Variants in PACS1 observed in about 807,000 individuals in gnomAD.
PACS1 encodes the protein phosphofurin acidic cluster sorting protein 1.
Under a neutral mutation model 115.0 loss-of-function variants are expected in PACS1, and 24 were observed. The observed-to-expected ratio is 0.21, with a 90% CI of 0.15 to 0.29. The LOEUF is 0.29. PACS1 is among the 10% of genes least tolerant of loss of function. PACS1 has a pLI of 1.00. For synonymous variants in PACS1, 453 were observed against 504.5 expected, an observed-to-expected ratio of 0.90 and a Z score of 1.37; for missense variants, 838 against 1,251.2, an observed-to-expected ratio of 0.67 and a Z score of 4.98.
chr11:66,170,857 C>T (rs966929942), intron 1 of PACS1, among the ~76,000 whole-genome samples: 1 of 146,832 alleles, frequency 6.8e-6, no homozygotes, highest in Admixed American at 6.7e-5. Context: ...TTGCAGTGAG[C>T]CGAGATTGTG....
chr11:66,114,039 A>G (rs951754743), intron 1 of PACS1, among the ~76,000 whole-genome samples: 11 of 152,164 alleles, frequency 7.2e-5, no homozygotes, highest in Admixed American at 6.5e-5. Flanking sequence ...AAGCATTGAC[A>G]TAGGACATGT....
intron 1 of PACS1, among the ~76,000 whole-genome samples, chr11:66,106,156 G>A (rs543326246): frequency 2.6e-4 from 39 of 152,228 alleles, no homozygotes; most frequent in South Asian, 6.2e-4. Context: ...GAGGCCCACC[G>A]CTGTGGCTCA....
chr11:66,141,603 G>A (rs1333330202), intron 1 of PACS1, among the ~76,000 whole-genome samples: 2 of 146,976 alleles, frequency 1.4e-5, no homozygotes, highest in South Asian at 2.2e-4. Flanking sequence ...ACAGTGAGCC[G>A]AGATCACACC....
At chr11:66,179,506 A>G (rs1399717260) in intron 1 of PACS1, among the ~76,000 whole-genome samples, 1 of 152,160 alleles carries the variant, frequency 6.6e-6, no homozygotes, top group African/African-American at 2.4e-5. Flanking sequence ...TTTGGGAGCT[A>G]TTAACTGGCA....
At position 66,156,204 on chromosome 11, in the gene PACS1, TTATATA is replaced by T. The variant is rs61270162; in HGVS notation, c.357-37237_357-37232del. Among the ~76,000 whole-genome samples, 683 of 84,888 alleles carry T rather than the reference TTATATA, an allele frequency of 8.0e-3. 3 individuals are homozygous for T. The highest frequency in any genetic ancestry group is 0.017 in the South Asian group (28 of 1,674). The allele number at this position is 84,888 out of a possible 152,430, so 55.7% of individuals were successfully genotyped here. ...CCACAAAGTTGTTTCATTTTTTAAA[TTATATA>T]TATATATATATATATATATATATAT... On this transcript the variant is annotated intron_variant, in intron 1 of 23. Coordinates refer to ENST00000320580, the MANE Select transcript of PACS1 (RefSeq NM_018026.4).
In PACS1 at chr11:66,230,615, C is replaced by G; in HGVS notation, c.1442C>G (p.Thr481Ser). 1.2e-6 allele frequency: 2 copies of G among 1,614,176 alleles called. No homozygotes were observed. Among genetic ancestry groups the G allele is most frequent in the Non-Finnish European group, 1.7e-6 (2 of 1,180,010 alleles). ...TSLVVPEKVKTPMKSSKTDLQ... is the reference protein window; with the variant it reads ...TSLVVPEKVKSPMKSSKTDLQ... ...CTGGTTGTGCCGGAGAAAGTCAAAA[C>G]TCCCATGAAGTCCAGTAAAACGGAT... Residue 481 changes from threonine to serine, a missense_variant, in exon 12 of 24, where the codon ACT (threonine) becomes AGT (serine). Transcript: ENST00000320580.
intron 2 of PACS1, among the ~76,000 whole-genome samples, chr11:66,207,652 C>T (rs1488892716): frequency 6.6e-6 from 1 of 152,164 alleles, no homozygotes; most frequent in Non-Finnish European, 1.5e-5. Flanking sequence ...GAGGCCCTGG[C>T]CTGTGTGCGG....
At chr11:66,122,724 G>T (rs1858472499) in intron 1 of PACS1, among the ~76,000 whole-genome samples, 1 of 152,160 alleles carries the variant, frequency 6.6e-6, no homozygotes, top group Non-Finnish European at 1.5e-5. Context: ...ATTAGAAGTG[G>T]GGTCTGAGGA....
intron 11 of PACS1, among the ~76,000 whole-genome samples, chr11:66,229,665 C>T (rs946953469): frequency 4.6e-5 from 7 of 151,702 alleles, no homozygotes; most frequent in African/African-American, 1.7e-4. Flanking sequence ...GGCGACAGAG[C>T]AAGACTCCGT....
intron 1 of PACS1, among the ~76,000 whole-genome samples, chr11:66,075,038 G>T (rs1471746258): frequency 6.7e-6 from 1 of 148,600 alleles, no homozygotes; most frequent in Non-Finnish European, 1.5e-5. Context: ...CGCCTCCCAG[G>T]TTCGCTCCAT....
At chr11:66,175,261 G>A in intron 1 of PACS1, among the ~76,000 whole-genome samples, 1 of 152,100 alleles carries the variant, frequency 6.6e-6, no homozygotes, top group East Asian at 1.9e-4. Context: ...TCGTCAGTCT[G>A]GGTGCTTCTG....
intron 1 of PACS1, among the ~76,000 whole-genome samples, chr11:66,096,755 G>A (rs1857792980): frequency 2.0e-5 from 3 of 151,764 alleles, no homozygotes; most frequent in South Asian, 4.2e-4. Context: ...TGCCCACCTC[G>A]GCCTCCCAAA....
chr11:66,177,396 G>A (rs1043942497), intron 1 of PACS1, among the ~76,000 whole-genome samples: 1 of 152,036 alleles, frequency 6.6e-6, no homozygotes, highest in East Asian at 1.9e-4. Context: ...TCTCCATGTC[G>A]GTCAAGCTGG....
intron 2 of PACS1, among the ~76,000 whole-genome samples, chr11:66,201,872 T>G (rs1410697359): frequency 6.6e-6 from 1 of 152,114 alleles, no homozygotes; most frequent in Non-Finnish European, 1.5e-5. Context: ...TTGGCCAGGC[T>G]GGTCTTGAAC....
At chr11:66,192,846 T>C (rs1174293941) in intron 1 of PACS1, among the ~76,000 whole-genome samples, 1 of 152,216 alleles carries the variant, frequency 6.6e-6, no homozygotes, top group Non-Finnish European at 1.5e-5. Context: ...CCTGTCACTT[T>C]TGAGTTGCGG....
At chr11:66,156,045 G>A (rs1859345859) in intron 1 of PACS1, among the ~76,000 whole-genome samples, 1 of 151,688 alleles carries the variant, frequency 6.6e-6, no homozygotes, top group African/African-American at 2.4e-5. Context: ...CCTGGGGCTT[G>A]GGTGGAGGGA....
chr11:66,216,360 C>A, intron 5 of PACS1, 97 bp downstream of exon 5: 3 of 1,493,166 alleles, frequency 2.0e-6, no homozygotes, highest in Non-Finnish European at 2.8e-6. Context: ...GGCAAGAGAC[C>A]TTTAGAGACC....
intron 1 of PACS1, among the ~76,000 whole-genome samples, chr11:66,151,515 G>A (rs1022611470): frequency 1.1e-4 from 16 of 152,180 alleles, no homozygotes; most frequent in Admixed American, 5.2e-4. Flanking sequence ...TAGGCTAGAC[G>A]TTGTAAGAGC....
chr11:66,180,077 G>T (rs747240549), intron 1 of PACS1, among the ~76,000 whole-genome samples: 3 of 151,898 alleles, frequency 2.0e-5, no homozygotes, highest in South Asian at 2.1e-4. Context: ...CCTGATCTCA[G>T]GTGATCCGCC....
Sources: allele counts gnomAD v4.1 joint callset (sites outside exome capture counted in the v4.1 genomes callset), GRCh38; gene constraint gnomAD v4.1.1; transcripts MANE v1.5; gene names NCBI Gene and HGNC (gene_info 2026-07-23, HGNC 2026-07-21).